MUSK: variants seen among roughly 807,000 people sequenced by gnomAD.
MUSK encodes the protein muscle, skeletal receptor tyrosine-protein kinase.
A neutral mutation model predicts 88.7 loss-of-function variants in MUSK; 55 were observed. That is an observed-to-expected ratio of 0.62 (90% CI 0.50 to 0.78). The LOEUF is 0.78. Ranked by LOEUF, MUSK falls within the 30% of genes least tolerant of loss-of-function variation. The pLI is 0.00. For synonymous variants in MUSK, 387 were observed against 391.9 expected (o/e 0.99, Z 0.15); for missense variants, 1,015 against 1,074.3 (o/e 0.94, Z 0.77).
intron 3 of MUSK, 74 bp downstream of exon 3, chr9:110,687,342 A>T: frequency 3.6e-6 from 5 of 1,407,508 alleles, no homozygotes; most frequent in South Asian, 1.3e-5. Context: ...TATTTTTTAC[A>T]TTTTTTTTTT....
intron 9 of MUSK, chr9:110,775,570 T>G: frequency 1.8e-6 from 1 of 563,020 alleles, no homozygotes; most frequent in Non-Finnish European, 3.2e-6. Context: ...TAATTGTGTT[T>G]CACAACAAAA....
intron 12 of MUSK, 68 bp from the exon 13 acceptor site, chr9:110,785,459 C>T: frequency 1.6e-6 from 2 of 1,279,370 alleles, no homozygotes; most frequent in Non-Finnish European, 2.1e-6. Flanking sequence ...TTCTTAGAAT[C>T]TAAGTCTAAG....
At chr9:110,732,107 AG>A (rs2076972411) in intron 5 of MUSK, among the ~76,000 whole-genome samples, 2 of 152,094 alleles carry the variant, frequency 1.3e-5, no homozygotes, top group African/African-American at 4.8e-5. Context: ...AAAAAGTTCA[AG>A]GGTATAGTCA....
intron 5 of MUSK, among the ~76,000 whole-genome samples, chr9:110,697,741 T>C (rs558248796): frequency 1.3e-5 from 2 of 152,312 alleles, no homozygotes; most frequent in South Asian, 2.1e-4. Context: ...AACAGTAAAA[T>C]AATAGAAACC....
At position 110,695,473 on chromosome 9, in the gene MUSK, T is replaced by C; in HGVS notation, c.429T>C (p.Thr143=). ...IEGLKAVLPC[T]TMGNPKPSVS... ...GATTAAAAGCAGTCCTACCATGTAC[T>C]ACAATGGGTAATCCCAAACCATCAG... The change falls in exon 4 of 15, where the codon ACT becomes ACC. Residue 143 remains threonine, a synonymous_variant. Coordinates refer to ENST00000374448, the MANE Select transcript of MUSK (RefSeq NM_005592.4). 1 of 1,560,308 alleles carries C rather than the reference T, an allele frequency of 6.4e-7. No homozygotes were observed.
chr9:110,757,379 A>G (rs1475719439), intron 7 of MUSK, among the ~76,000 whole-genome samples: 2 of 151,946 alleles, frequency 1.3e-5, no homozygotes, highest in African/African-American at 4.8e-5. Flanking sequence ...TAATCGCTTG[A>G]ACCTGGGAGG....
At chr9:110,778,414 T>G (rs139283337) in intron 11 of MUSK, among the ~76,000 whole-genome samples, 180 of 152,266 alleles carry the variant, frequency 1.2e-3, no homozygotes, top group African/African-American at 4.2e-3. Context: ...TTAATTTGTC[T>G]TAATCATTGA....
chr9:110,789,544 C>T (rs2077936490), intron 14 of MUSK, among the ~76,000 whole-genome samples: 1 of 152,086 alleles, frequency 6.6e-6, no homozygotes, highest in Non-Finnish European at 1.5e-5. Context: ...TTTGTGAGGC[C>T]GAGGCGAGCA....
chr9:110,710,028 C>T (rs946848103), intron 5 of MUSK, among the ~76,000 whole-genome samples: 2 of 152,006 alleles, frequency 1.3e-5, no homozygotes, highest in Non-Finnish European at 2.9e-5. Context: ...AATTTGAGAC[C>T]GGAAACATCT....
At chr9:110,708,938 G>C (rs1055811556) in intron 5 of MUSK, among the ~76,000 whole-genome samples, 1 of 152,106 alleles carries the variant, frequency 6.6e-6, no homozygotes, top group Non-Finnish European at 1.5e-5. Context: ...ACTCTAATTG[G>C]AGTGAGTTTT....
intron 8 of MUSK, among the ~76,000 whole-genome samples, chr9:110,766,834 C>A (rs1382112755): frequency 1.3e-5 from 2 of 152,084 alleles, no homozygotes; most frequent in African/African-American, 2.4e-5. Context: ...TCTGATAGAA[C>A]ACATAAGAAT....
chr9:110,784,914 C>G lies in MUSK; in HGVS notation c.1484C>G (p.Thr495Ser). 6.2e-7 allele frequency: 1 copy of G among 1,613,702 alleles called. No homozygotes were observed. Among genetic ancestry groups the G allele is most frequent in the Non-Finnish European group, 8.5e-7 (1 of 1,179,656 alleles). Reference protein sequence around the residue: ...SFSVSPTYSMTVIISIMSSFA... With the variant: ...SFSVSPTYSMSVIISIMSSFA... ...TCTGTCTCACCTACATACTCCATGA[C>G]TGTAATAATCTCCATCATGTCCAGC... The change falls in exon 12 of 15, where the codon ACT becomes AGT. Residue 495 changes from threonine (T) to serine (S), a missense_variant. Thr to Ser is a moderately conservative substitution (Grantham distance 58). Coordinates refer to ENST00000374448, the MANE Select transcript of MUSK (RefSeq NM_005592.4).
intron 5 of MUSK, among the ~76,000 whole-genome samples, chr9:110,701,704 AT>A (rs1298196244): frequency 0.12 from 8 of 68 alleles, no homozygotes; most frequent in Admixed American, 0.5. Flanking sequence ...ATTTTATTTT[AT>A]TTTATTTTAT....
At position 110,681,042 on chromosome 9, in the gene MUSK, AAT is replaced by A. The variant is rs1564209446; in HGVS notation, c.80-1625_80-1624del. On this transcript the variant is annotated intron_variant, in intron 1 of 14. Transcript: ENST00000374448. Reference sequence around the variant, plus strand: ...ATATATTATATATTATATATTATATAATATATATTATATATTATATATATAAT... The same window carrying A: ...ATATATTATATATTATATATTATATAATATATTATATATTATATATATAAT... 2.0e-4 allele frequency among the ~76,000 whole-genome samples: 3 copies of A among 15,378 alleles called. 1 individual carries two copies. The highest frequency in any genetic ancestry group is 5.2e-4 in the African/African-American group (1 of 1,908). The allele number at this position is 15,378 out of a possible 152,430, so 10.1% of individuals were successfully genotyped here. A position where few individuals can be genotyped will look rare whatever the true frequency, so the allele number is the denominator to read the frequency against.
In MUSK at chr9:110,695,302, G is replaced by C. The variant is rs560713638; in HGVS notation, c.359-101G>C. On this transcript the variant is annotated intron_variant, in intron 3 of 14. Transcript: ENST00000374448. ...TTTTGTAATGTAACATGCCTCAAATGATTCTCAAAACAGATGTTTAGAATT... is the reference window on the plus strand; with the variant it reads ...TTTTGTAATGTAACATGCCTCAAATCATTCTCAAAACAGATGTTTAGAATT... 1.9e-5 allele frequency: 16 copies of C among 839,662 alleles called. No homozygotes were observed. In the East Asian group the frequency reaches 4.7e-4, roughly 24 times the overall value. The allele number at this position is 839,662 out of a possible 1,614,324, so 52.0% of individuals were successfully genotyped here. A position where few individuals can be genotyped will look rare whatever the true frequency, so the allele number is the denominator to read the frequency against.
chr9:110,678,623 T>A (rs961593331), intron 1 of MUSK, among the ~76,000 whole-genome samples: 1 of 152,188 alleles, frequency 6.6e-6, no homozygotes, highest in Non-Finnish European at 1.5e-5. Context: ...AACAATTTTG[T>A]TTTTAAAATT....
chr9:110,771,007 A>G (rs2077564758), intron 9 of MUSK, among the ~76,000 whole-genome samples: 1 of 151,928 alleles, frequency 6.6e-6, no homozygotes, highest in South Asian at 2.1e-4. Flanking sequence ...TGAGGTAGTT[A>G]GTTGATAGAA....
At chr9:110,788,142 A>G in intron 14 of MUSK, 1 of 332,344 alleles carries the variant, frequency 3.0e-6, no homozygotes, top group Non-Finnish European at 5.6e-6. Context: ...AAAATTTATC[A>G]ATATTGAAAA....
chr9:110,737,706 T>G (rs748625976), intron 6 of MUSK, among the ~76,000 whole-genome samples: 3 of 152,262 alleles, frequency 2.0e-5, no homozygotes, highest in Non-Finnish European at 4.4e-5. Flanking sequence ...TTTCCTCTAC[T>G]ATACCAATAA....
Sources: allele counts gnomAD v4.1 joint callset (sites outside exome capture counted in the v4.1 genomes callset), GRCh38; gene constraint gnomAD v4.1.1; transcripts MANE v1.5; gene names NCBI Gene and HGNC (gene_info 2026-07-23, HGNC 2026-07-21).